The following RAB2A variants were observed in gnomAD, a reference collection of about 807,000 sequenced individuals.
The protein encoded by RAB2A is ras-related protein Rab-2A.
RAB2A carries 7 observed loss-of-function variants against 32.5 expected under a neutral mutation model. That is an observed-to-expected ratio of 0.22 (90% confidence interval 0.12 to 0.40). The LOEUF is 0.40. Among genes scored for constraint, RAB2A ranks in the 10% least tolerant of loss-of-function variants. RAB2A has a pLI of 1.00. For synonymous variants in RAB2A, 79 were observed against 85.2 expected (o/e 0.93, Z 0.40); for missense variants, 108 against 260.7 (o/e 0.41, Z 4.03).
chr8:60,586,205 G>GT (rs1803843528), intron 5 of RAB2A, among the ~76,000 whole-genome samples: 1 of 152,100 alleles, frequency 6.6e-6, no homozygotes, highest in Admixed American at 6.6e-5. Flanking sequence ...GGAGGCTGAG[G>GT]TGGGAGAATC....
chr8:60,541,864 G>A (rs1000692677), intron 1 of RAB2A, among the ~76,000 whole-genome samples: 3 of 152,122 alleles, frequency 2.0e-5, no homozygotes, highest in Non-Finnish European at 4.4e-5. Flanking sequence ...CAAGCTGAGC[G>A]AGATAATCAC....
At chr8:60,528,874 C>T (rs1807433332) in intron 1 of RAB2A, among the ~76,000 whole-genome samples, 1 of 152,058 alleles carries the variant, frequency 6.6e-6, no homozygotes, top group Non-Finnish European at 1.5e-5. Context: ...CTGTGCTTGG[C>T]TCCTGGTAAT....
chr8:60,545,175 T>C (rs919946321), intron 1 of RAB2A, among the ~76,000 whole-genome samples: 1 of 152,078 alleles, frequency 6.6e-6, no homozygotes, highest in African/African-American at 2.4e-5. Flanking sequence ...TCCAGTAGAA[T>C]ACCCAGCACC....
At chr8:60,520,912 G>A (rs1163164706) in intron 1 of RAB2A, among the ~76,000 whole-genome samples, 1 of 152,116 alleles carries the variant, frequency 6.6e-6, no homozygotes, top group Non-Finnish European at 1.5e-5. Context: ...AGTCTCCTGG[G>A]CCTAAGCAAT....
intron 3 of RAB2A, among the ~76,000 whole-genome samples, chr8:60,580,071 A>G (rs1382933878): frequency 6.8e-6 from 1 of 148,042 alleles, no homozygotes; most frequent in Non-Finnish European, 1.5e-5. Context: ...ATCTCGGCTC[A>G]TTGTAACCTC....
chr8:60,611,382 A>G (rs1804345667), intron 6 of RAB2A, among the ~76,000 whole-genome samples: 1 of 152,104 alleles, frequency 6.6e-6, no homozygotes, highest in Admixed American at 6.5e-5. Flanking sequence ...TCTTCCCCTC[A>G]GTTTTCCTAA....
intron 6 of RAB2A, among the ~76,000 whole-genome samples, chr8:60,603,487 A>G (rs1271235827): frequency 1.3e-5 from 2 of 152,194 alleles, no homozygotes; most frequent in African/African-American, 4.8e-5. Context: ...CAGCTTTATG[A>G]TTTCATCCAA....
chr8:60,607,286 G>A (rs999106956), intron 6 of RAB2A, among the ~76,000 whole-genome samples: 6 of 151,478 alleles, frequency 4.0e-5, no homozygotes, highest in Middle Eastern at 3.4e-3. Flanking sequence ...AAAATTAGCC[G>A]GGCGTGGTGG....
intron 1 of RAB2A, among the ~76,000 whole-genome samples, chr8:60,525,555 T>G (rs1372229639): frequency 1.3e-5 from 2 of 152,168 alleles, no homozygotes; most frequent in Non-Finnish European, 2.9e-5. Flanking sequence ...CCATTCCCCT[T>G]TGCTCTTTCT....
chr8:60,550,340 A>G (rs1807826706), intron 1 of RAB2A, among the ~76,000 whole-genome samples: 1 of 151,016 alleles, frequency 6.6e-6, no homozygotes, highest in Non-Finnish European at 1.5e-5. Context: ...CCAAGTCACC[A>G]TTTCTAGCCT....
At chr8:60,609,734 G>C (rs1264372666) in intron 6 of RAB2A, among the ~76,000 whole-genome samples, 1 of 152,098 alleles carries the variant, frequency 6.6e-6, no homozygotes, top group Non-Finnish European at 1.5e-5. Context: ...GGGAGGCCAA[G>C]GTGGGCAGAT....
intron 1 of RAB2A, among the ~76,000 whole-genome samples, chr8:60,536,929 G>T (rs932616173): frequency 1.3e-5 from 2 of 152,148 alleles, no homozygotes; most frequent in Non-Finnish European, 2.9e-5. Flanking sequence ...AAATGATTCA[G>T]TCAGATTTTT....
At chr8:60,574,198 T>G (rs1449268988) in intron 3 of RAB2A, among the ~76,000 whole-genome samples, 2 of 150,730 alleles carry the variant, frequency 1.3e-5, no homozygotes, top group South Asian at 2.2e-4. Flanking sequence ...TTGACCCCCA[T>G]CGGAATAACT....
intron 3 of RAB2A, among the ~76,000 whole-genome samples, chr8:60,578,817 G>A (rs2130845192): frequency 6.6e-6 from 1 of 152,256 alleles, no homozygotes; most frequent in Non-Finnish European, 1.5e-5. Context: ...TTCTTTATCT[G>A]GCAGTTACAA....
chr8:60,592,515 T>A (rs1180026808), intron 6 of RAB2A, among the ~76,000 whole-genome samples: 3 of 151,964 alleles, frequency 2.0e-5, no homozygotes, highest in Non-Finnish European at 4.4e-5. Context: ...CTTATTTTTT[T>A]AATTTTATTT....
At chr8:60,609,144 CAT>C (rs1160601721) in intron 6 of RAB2A, among the ~76,000 whole-genome samples, 2 of 152,108 alleles carry the variant, frequency 1.3e-5, no homozygotes. Flanking sequence ...CCCCTCACAC[CAT>C]ATGCTCTCCA....
chr8:60,615,701 A>G (rs1419182543), intron 6 of RAB2A, among the ~76,000 whole-genome samples: 1 of 152,120 alleles, frequency 6.6e-6, no homozygotes, highest in African/African-American at 2.4e-5. Context: ...TATTTGGTTA[A>G]TGTTCATTAT....
intron 1 of RAB2A, among the ~76,000 whole-genome samples, chr8:60,531,748 A>G (rs1194659746): frequency 6.6e-6 from 1 of 151,536 alleles, no homozygotes; most frequent in African/African-American, 2.4e-5. Flanking sequence ...ACTGTTTTTC[A>G]CTAGTCTTCA....
intron 6 of RAB2A, among the ~76,000 whole-genome samples, chr8:60,616,016 G>A (rs1804441639): frequency 6.6e-6 from 1 of 152,140 alleles, no homozygotes. Flanking sequence ...TGTGTAATCA[G>A]AGATTGAACG....
Sources: gnomAD v4.1 joint callset for allele counts (sites outside exome capture counted in the v4.1 genomes callset) on GRCh38, gnomAD v4.1.1 for gene constraint, MANE v1.5 for transcripts, NCBI Gene and HGNC (gene_info 2026-07-23, HGNC 2026-07-21) for gene names.